ATP2B1: variants seen among roughly 807,000 people sequenced by gnomAD.
ATP2B1 encodes the protein plasma membrane calcium-transporting ATPase 1.
A neutral mutation model predicts 124.2 loss-of-function variants in ATP2B1; 14 were observed. That is an observed-to-expected ratio of 0.11 (90% CI 0.07 to 0.18). The LOEUF is 0.18. Among genes scored for constraint, ATP2B1 ranks in the 10% least tolerant of loss-of-function variants. The pLI, the probability that ATP2B1 is intolerant of heterozygous loss-of-function variation, is 1.00. For missense variants in ATP2B1, 763 were observed against 1,466.1 expected (o/e 0.52, Z 7.83); for synonymous variants, 449 against 492.4 (o/e 0.91, Z 1.17).
chr12:89,603,779 T>C lies in ATP2B1; in HGVS notation c.2781A>G (p.Thr927=), dbSNP rs1876323641. 2.5e-6 allele frequency: 4 copies of C among 1,614,158 alleles called. No individual in the cohort carries two copies. The highest frequency in any genetic ancestry group is 1.1e-5 in the South Asian group (1 of 91,080). Residue 927 remains threonine (T), a synonymous_variant, in exon 17 of 21, where the codon ACA becomes ACG. Coordinates refer to ENST00000428670, the MANE Select transcript of ATP2B1 (RefSeq NM_001366521.1). The surrounding 1 kb of genome is among the most constrained non-coding windows in gnomAD (Gnocchi z 4.3). ...CATGACCCAAAATATTCTTCATCAT[T>C]GTACGTGAGATGAGAGGCTTATTTC... ...YGRNKPLISR[T]MMKNILGHAF... is the part of the protein sequence containing the mutation.
intron 1 of ATP2B1, among the ~76,000 whole-genome samples, chr12:89,695,644 TA>T (rs998541906): frequency 6.2e-4 from 94 of 150,658 alleles, no homozygotes; most frequent in Admixed American, 2.9e-3. Flanking sequence ...TCTCCTCTAT[TA>T]AAAAAAAAGA....
chr12:89,655,075 A>G (rs944590605), intron 2 of ATP2B1, among the ~76,000 whole-genome samples: 1 of 152,194 alleles, frequency 6.6e-6, no homozygotes, highest in Admixed American at 6.5e-5. Flanking sequence ...ACCTGCCACA[A>G]ATACAAATTT....
chr12:89,674,430 T>TAG (rs1020023187), intron 1 of ATP2B1, among the ~76,000 whole-genome samples: 8 of 151,562 alleles, frequency 5.3e-5, no homozygotes, highest in Non-Finnish European at 7.4e-5. Flanking sequence ...AAGGCAGTAT[T>TAG]AGAAACAAAT....
chr12:89,612,905 G>A (rs1878287036), intron 12 of ATP2B1, among the ~76,000 whole-genome samples: 1 of 152,146 alleles, frequency 6.6e-6, no homozygotes, highest in Admixed American at 6.6e-5. Flanking sequence ...CTGGAGCTAA[G>A]TATTTACTGA....
chr12:89,691,379 TG>T (rs1890539385), intron 1 of ATP2B1, among the ~76,000 whole-genome samples: 1 of 152,132 alleles, frequency 6.6e-6, no homozygotes, highest in Admixed American at 6.6e-5. Context: ...TTGAAGTCTG[TG>T]ACTGTTATTA....
chr12:89,682,996 A>C (rs1378444422), intron 1 of ATP2B1, among the ~76,000 whole-genome samples: 2 of 152,212 alleles, frequency 1.3e-5, no homozygotes, highest in Non-Finnish European at 2.9e-5. Flanking sequence ...AAAAGAATCA[A>C]ATCTCCTAAA....
chr12:89,605,147 C>CA (rs1355273698), intron 15 of ATP2B1, among the ~76,000 whole-genome samples: 1 of 152,038 alleles, frequency 6.6e-6, no homozygotes, highest in Admixed American at 6.5e-5. Flanking sequence ...CAAAAACAGG[C>CA]AAAAGGAATA....
chr12:89,683,107 C>T (rs79586159), intron 1 of ATP2B1, among the ~76,000 whole-genome samples: 228 of 152,276 alleles, frequency 1.5e-3, no homozygotes, highest in African/African-American at 5.4e-3. Context: ...CAAATTAAAA[C>T]TATGCTGAAA....
chr12:89,661,630 ACT>A (rs1886702244), intron 1 of ATP2B1, among the ~76,000 whole-genome samples: 1 of 152,236 alleles, frequency 6.6e-6, no homozygotes, highest in African/African-American at 2.4e-5. Flanking sequence ...CGAAACTGGT[ACT>A]GACACCCTGA....
rs1428759150 is a variant in ATP2B1 at position 89,633,208 on chromosome 12, T to C, written c.787+1570A>G. 2.0e-5 allele frequency among the ~76,000 whole-genome samples: 3 copies of C among 152,132 alleles called. No individual in the cohort carries two copies. In the East Asian group the frequency reaches 5.8e-4, roughly 29 times the overall value. On this transcript the variant is annotated intron_variant, in intron 5 of 20. Transcript: ENST00000428670. ...TACTTAAATACATTATATTTATATATCCAAGCTCTTTCTGGCTATTTGGTA... is the reference window on the plus strand; with the variant it reads ...TACTTAAATACATTATATTTATATACCCAAGCTCTTTCTGGCTATTTGGTA...
At chr12:89,597,242 T>C (rs540818329) in intron 20 of ATP2B1, among the ~76,000 whole-genome samples, 2 of 152,222 alleles carry the variant, frequency 1.3e-5, no homozygotes, top group East Asian at 1.9e-4. Context: ...GGCATTTTTA[T>C]TGTATCAGGC....
chr12:89,652,174 T>C (rs915770250), intron 2 of ATP2B1, among the ~76,000 whole-genome samples: 5 of 152,266 alleles, frequency 3.3e-5, no homozygotes, highest in Non-Finnish European at 7.3e-5. Flanking sequence ...GTTTTATTCA[T>C]GGCTGTATAC....
At chr12:89,591,330 A>G (rs1873519070) in intron 20 of ATP2B1, 35 bp from the exon 21 acceptor site, 10 of 1,538,678 alleles carry the variant, frequency 6.5e-6, no homozygotes, top group African/African-American at 1.4e-5. Context: ...ATATGTCAGT[A>G]CACTATTAAC....
In ATP2B1 at chr12:89,635,160, C is replaced by T; in HGVS notation, c.498G>A (p.Val166=). ...AGTCATTGAAAGCTGTTACTAACAC[C>T]ACACACACTACAGACAAGAGGATTG... ...GAAILLSVVC[V]VLVTAFNDWS... Residue 166 remains valine, a synonymous_variant, in exon 4 of 21, where the codon GTG becomes GTA. Transcript: ENST00000428670. The T allele has an allele frequency of 6.2e-7, 1 of 1,613,686 alleles. No homozygotes were observed. Among genetic ancestry groups the T allele is most frequent in the African/African-American group, 1.3e-5 (1 of 75,004 alleles).
rs761238872 is a variant in ATP2B1, at chr12:89,634,782, T to G, written c.783A>C (p.Leu261=). ...AGATATAAATGAAATTTTTACCTGA[T>G]AGAAGTAAGGGATCCTTATCTAAAG... ...KKSLDKDPLL[L]SGTHVMEGSG... is the part of the protein sequence containing the mutation. The change falls in exon 5 of 21, where the codon CTA becomes CTC. Residue 261 remains leucine (L), a synonymous_variant. Coordinates refer to ENST00000428670, the MANE Select transcript of ATP2B1 (RefSeq NM_001366521.1). The G allele has an allele frequency of 6.3e-7, 1 of 1,584,784 alleles. No individual in the cohort carries two copies. The highest frequency in any genetic ancestry group is 1.4e-5 in the African/African-American group (1 of 73,070).
intron 1 of ATP2B1, among the ~76,000 whole-genome samples, chr12:89,694,417 AAGTTTCCTCCTTTCAACTCCTT>A (rs1477582030): frequency 1.3e-5 from 2 of 152,024 alleles, no homozygotes; most frequent in Non-Finnish European, 2.9e-5. Context: ...AAACCACTCA[AAGTTTCCTCCTTTCAACTCCTT>A]AGGGTATCTG....
At chr12:89,623,604 G>A (rs970255717) in intron 9 of ATP2B1, among the ~76,000 whole-genome samples, 13 of 152,194 alleles carry the variant, frequency 8.5e-5, no homozygotes, top group African/African-American at 3.1e-4. Context: ...GAAGGAACAA[G>A]TGGGCTCTGA....
At chr12:89,705,863 C>T (rs1201852497) in intron 1 of ATP2B1, among the ~76,000 whole-genome samples, 1 of 152,134 alleles carries the variant, frequency 6.6e-6, no homozygotes. Flanking sequence ...CAATGCTTTA[C>T]ATTGTCTATA....
chr12:89,620,485 C>T (rs189804960), intron 10 of ATP2B1, among the ~76,000 whole-genome samples: 153 of 152,218 alleles, frequency 1.0e-3, no homozygotes, highest in Non-Finnish European at 1.9e-3. Flanking sequence ...CTGCTTTGGT[C>T]CTTGGCTTCA....
Sources: gnomAD v4.1 joint callset for allele counts (sites outside exome capture counted in the v4.1 genomes callset) on GRCh38, gnomAD v4.1.1 for gene constraint, Gnocchi (gnomAD v3.1) non-coding constraint, MANE v1.5 for transcripts, NCBI Gene and HGNC (gene_info 2026-07-23, HGNC 2026-07-21) for gene names.